The following SLC34A1 variants were observed in gnomAD, a reference collection of about 807,000 sequenced individuals.
SLC34A1 encodes the protein sodium-dependent phosphate transport protein 2A.
Under a neutral mutation model 51.4 loss-of-function variants are expected in SLC34A1, and 57 were observed. The observed-to-expected ratio is 1.11, with a 90% CI of 0.90 to 1.38. The LOEUF (loss-of-function observed/expected upper bound fraction) is 1.38, where lower values mean the gene tolerates loss of function less well. SLC34A1 is among the 40% of genes most tolerant of loss of function. SLC34A1 has a pLI of 0.00. For missense variants in SLC34A1, 796 were observed against 835.6 expected (o/e 0.95, Z 0.58); for synonymous variants, 368 against 358.0 (o/e 1.03, Z -0.32).
chr5:177,398,029 G>A lies in SLC34A1; in HGVS notation c.1663G>A (p.Val555Met), dbSNP rs201515582. ...GCCCTTCGGGGCCCTGCTGGCCTTC[G>A]TGGTGCTCATCAATGTCCTGCAGAG... ...GTPFGALLAF[V>M]VLINVLQSRS... Residue 555 changes from valine (V) to methionine (M), a missense_variant, in exon 13 of 13, where the codon GTG (valine) becomes ATG (methionine). By Grantham distance (21) the Val-to-Met change is conservative (BLOSUM62 1). Transcript: ENST00000324417. The surrounding 1 kb of genome is among the most constrained non-coding windows in gnomAD (Gnocchi z 4.7). 6.0e-5 allele frequency: 97 copies of A among 1,614,060 alleles called. No homozygotes were observed. The South Asian group carries it at 8.5e-4, about 14-fold the overall frequency.
chr5:177,393,791 C>T (rs1211072973), intron 9 of SLC34A1, 28 bp downstream of exon 9: 2 of 1,611,326 alleles, frequency 1.2e-6, no homozygotes, highest in South Asian at 2.2e-5. Flanking sequence ...GGGAGGTGTC[C>T]TGCATGGCAG....
Position 177,386,054 on chromosome 5 carries a change from GCA to G in SLC34A1, c.181_182del (p.Thr61LeufsTer11). ...PSLGPVALAE[H>X]TCPCGEVLER... Reference sequence around the variant, plus strand: ...GCCTGGGCCCTGTGGCCCTTGCTGAGCACACCTGCCCCTGTGGGGAGGTCCTG... The same window carrying G: ...GCCTGGGCCCTGTGGCCCTTGCTGAGCACCTGCCCCTGTGGGGAGGTCCTG... On this transcript the variant is annotated frameshift_variant, in exon 3 of 13. Transcript: ENST00000324417. LOFTEE classifies it high-confidence loss of function. This position sits in a 1 kb window ranked among gnomAD's most constrained non-coding sequence, Gnocchi z 4.8. 6.2e-7 allele frequency: 1 copy of G among 1,610,376 alleles called. No individual in the cohort carries two copies. Among genetic ancestry groups the G allele is most frequent in the Non-Finnish European group, 8.5e-7 (1 of 1,177,882 alleles).
At chr5:177,391,268 C>T (rs945229833) in intron 8 of SLC34A1, among the ~76,000 whole-genome samples, 6 of 152,230 alleles carry the variant, frequency 3.9e-5, no homozygotes, top group African/African-American at 1.2e-4. Flanking sequence ...GGCTTTGTCC[C>T]TCCTGCCAGC....
rs1762586877 is a variant in SLC34A1 at position 177,386,670 on chromosome 5, A to G, written c.532+104A>G. On this transcript the variant is annotated intron_variant, in intron 5 of 12. Transcript: ENST00000324417. This position sits in a 1 kb window ranked among gnomAD's most constrained non-coding sequence, Gnocchi z 4.8. ...ACCCCAGTAAGGCTGGCCTCCATTC[A>G]GCTTGACTCCTGTATCAGCCAGGGA... The G allele has an allele frequency of 1.5e-6, 2 of 1,363,760 alleles. No individual in the cohort carries two copies. Among genetic ancestry groups the G allele is most frequent in the African/African-American group, 2.8e-5 (2 of 70,186 alleles). The allele number at this position is 1,363,760 out of a possible 1,614,324, so 84.5% of individuals were successfully genotyped here. A position where few individuals can be genotyped will look rare whatever the true frequency, so the allele number is the denominator to read the frequency against.
At position 177,387,658 on chromosome 5, in the gene SLC34A1, C is replaced by T. The variant is rs112047060; in HGVS notation, c.533-104C>T. On this transcript the variant is annotated intron_variant, in intron 5 of 12. Transcript: ENST00000324417. ...GGCAGACTCAGCAGCATGGCAGGAGCGGCCACTGGGGACTGGGACGTGGGT... is the reference window on the plus strand; with the variant it reads ...GGCAGACTCAGCAGCATGGCAGGAGTGGCCACTGGGGACTGGGACGTGGGT... The T allele has an allele frequency of 9.2e-4, 867 of 941,182 alleles. 3 individuals are homozygous for T. In the African/African-American group the frequency reaches 0.011, roughly 12 times the overall value. 58.3% of individuals were successfully genotyped at this position (941,182 alleles called of 1,614,324 possible).
Position 177,397,068 on chromosome 5 carries a change from T to C in SLC34A1, c.1410T>C (p.Ala470=), listed in dbSNP as rs199965558. The C allele has an allele frequency of 6.2e-7, 1 of 1,613,164 alleles. No individual in the cohort carries two copies. Among genetic ancestry groups the C allele is most frequent in the East Asian group, 2.2e-5 (1 of 44,874 alleles). ...LASPREKLSS[A]FQIALCHFFF... ...GCCCCAGGGAGAAGCTGTCCAGCGC[T>C]TTCCAGGTGCGCTGGGAGTGTAGCC... Residue 470 remains alanine, a synonymous_variant, in exon 12 of 13, where the codon GCT becomes GCC. Transcript: ENST00000324417.
rs565535492 is a variant in SLC34A1, at chr5:177,387,224, A to T, written c.533-538A>T. 6.6e-5 allele frequency among the ~76,000 whole-genome samples: 10 copies of T among 151,910 alleles called. No individual in the cohort carries two copies. In the South Asian group the frequency reaches 1.9e-3, roughly 28 times the overall value. On this transcript the variant is annotated intron_variant, in intron 5 of 12. Transcript: ENST00000324417. ...TCTCTACTAAAAATACAAAAAAAAA[A>T]AACAACAAAAACCAAAAAGCATTAG...
intron 8 of SLC34A1, chr5:177,390,582 A>T (rs55785724): frequency 0.25 from 43,673 of 172,934 alleles, 6,721 homozygotes; most frequent in South Asian, 0.34. Flanking sequence ...CATGCTGCCC[A>T]TCAGGCCTGA....
chr5:177,391,780 G>C (rs1213413754), intron 8 of SLC34A1, among the ~76,000 whole-genome samples: 1 of 152,198 alleles, frequency 6.6e-6, no homozygotes, highest in African/African-American at 2.4e-5. Context: ...CCTGTGATGA[G>C]CGCTTTAAAC....
At position 177,398,521 on chromosome 5, in the gene SLC34A1, C is replaced by G; in HGVS notation, c.*235C>G. 6.5e-6 allele frequency: 4 copies of G among 614,240 alleles called. No homozygotes were observed. The highest frequency in any genetic ancestry group is 5.5e-4 in the Middle Eastern group (2 of 3,644). The allele number at this position is 614,240 out of a possible 1,614,324, so 38.0% of individuals were successfully genotyped here. A position where few individuals can be genotyped will look rare whatever the true frequency, so the allele number is the denominator to read the frequency against. On this transcript the variant is annotated 3_prime_UTR_variant, in exon 13 of 13. Transcript: ENST00000324417. This position sits in a 1 kb window ranked among gnomAD's most constrained non-coding sequence, Gnocchi z 4.7. Reference sequence around the variant, plus strand: ...AAGCTTGTATTTGTGTACAGGTGTGCCAGCCCATGCAGGTGTACACAGACA... The same window carrying G: ...AAGCTTGTATTTGTGTACAGGTGTGGCAGCCCATGCAGGTGTACACAGACA...
At chr5:177,389,722 CT>C (rs1325393380) in intron 8 of SLC34A1, 7 of 1,537,140 alleles carry the variant, frequency 4.6e-6, no homozygotes, top group Non-Finnish European at 6.1e-6. Flanking sequence ...CTCACTGCCC[CT>C]GAGCTCCCTG....
chr5:177,393,649 G>A, intron 8 of SLC34A1, 45 bp from the exon 9 acceptor site: 1 of 1,596,040 alleles, frequency 6.3e-7, no homozygotes, highest in Non-Finnish European at 8.6e-7. Flanking sequence ...CCCAACCTCA[G>A]GCTGTGTTTT....
Position 177,396,698 on chromosome 5 carries a change from T to G in SLC34A1, c.1175-35T>G. The G allele has an allele frequency of 6.3e-7, 1 of 1,591,632 alleles. No homozygotes were observed. On this transcript the variant is annotated intron_variant, in intron 10 of 12. Coordinates refer to ENST00000324417, the MANE Select transcript of SLC34A1 (RefSeq NM_003052.5). The surrounding 1 kb of genome is among the most constrained non-coding windows in gnomAD (Gnocchi z 4.0). ...GTCTGCTCTCCCAATGTCCCCGCTC[T>G]GACCCCAGCCTGCTGGGATGCGGTT...
At chr5:177,387,669 G>A in intron 5 of SLC34A1, 93 bp from the exon 6 acceptor site, 2 of 1,061,470 alleles carry the variant, frequency 1.9e-6, no homozygotes, top group South Asian at 2.5e-5. Flanking sequence ...GGCCACTGGG[G>A]ACTGGGACGT....
Position 177,396,666 on chromosome 5 carries a change from C to T in SLC34A1, c.1175-67C>T, listed in dbSNP as rs1198296101. The T allele has an allele frequency of 8.7e-6, 12 of 1,377,426 alleles. No homozygotes were observed. The highest frequency in any genetic ancestry group is 2.8e-5 in the African/African-American group (2 of 70,368). 85.3% of individuals were successfully genotyped at this position (1,377,426 alleles called of 1,614,324 possible). On this transcript the variant is annotated intron_variant, in intron 10 of 12. Transcript: ENST00000324417. This position sits in a 1 kb window ranked among gnomAD's most constrained non-coding sequence, Gnocchi z 4.0. ...CGGAGGTCCGCTCTCCCAGTGCCCC[C>T]GCGGAGGTCTGCTCTCCCAATGTCC...
intron 5 of SLC34A1, 67 bp from the exon 6 acceptor site, chr5:177,387,695 C>T: frequency 1.5e-6 from 2 of 1,322,880 alleles, no homozygotes; most frequent in East Asian, 2.3e-5. Flanking sequence ...GGGGGCCTGA[C>T]AGGAGTTGTG....
chr5:177,396,693 C>A lies in SLC34A1; in HGVS notation c.1175-40C>A. On this transcript the variant is annotated intron_variant, in intron 10 of 12. Transcript: ENST00000324417. This position sits in a 1 kb window ranked among gnomAD's most constrained non-coding sequence, Gnocchi z 4.0. ...CGGAGGTCTGCTCTCCCAATGTCCC[C>A]GCTCTGACCCCAGCCTGCTGGGATG... 6.3e-7 allele frequency: 1 copy of A among 1,588,478 alleles called. No homozygotes were observed. Among genetic ancestry groups the A allele is most frequent in the Non-Finnish European group, 8.6e-7 (1 of 1,156,730 alleles).
intron 10 of SLC34A1, among the ~76,000 whole-genome samples, chr5:177,395,442 C>T (rs563596483): frequency 1.3e-5 from 2 of 152,140 alleles, no homozygotes; most frequent in South Asian, 2.1e-4. Context: ...ATGGCAGGTC[C>T]GTGGCACAGA....
chr5:177,393,937 G>C (rs2127353042), intron 9 of SLC34A1, 91 bp from the exon 10 acceptor site: 1 of 1,563,186 alleles, frequency 6.4e-7, no homozygotes, highest in Non-Finnish European at 8.8e-7. Context: ...GCCTGAGATG[G>C]GGCCTTAGGA....
Sources: allele counts gnomAD v4.1 joint callset (sites outside exome capture counted in the v4.1 genomes callset), GRCh38; gene constraint gnomAD v4.1.1; non-coding constraint Gnocchi (gnomAD v3.1); transcripts MANE v1.5; gene names NCBI Gene and HGNC (gene_info 2026-07-23, HGNC 2026-07-21).